Variants in DCHS2 observed in about 807,000 individuals in gnomAD.
DCHS2 encodes protocadherin-23.
In DCHS2, 142 loss-of-function variants were observed where a neutral mutation model predicts 182.4. The observed-to-expected ratio is 0.78, with a 90% CI of 0.68 to 0.89. DCHS2 has a LOEUF of 0.89. Ranked by LOEUF, DCHS2 falls within the 40% of genes least tolerant of loss-of-function variation. The pLI, the probability that DCHS2 is intolerant of heterozygous loss-of-function variation, is 0.00. For missense variants in DCHS2, 4,319 were observed against 4,198.6 expected, an observed-to-expected ratio of 1.03 and a Z score of -0.79; for synonymous variants, 1,740 against 1,663.3, an observed-to-expected ratio of 1.05 and a Z score of -1.12.
At chr4:154,237,632 T>C (rs1473407110) in intron 19 of DCHS2, 1 of 152,772 alleles carries the variant, frequency 6.5e-6, no homozygotes, top group Non-Finnish European at 1.5e-5. Context: ...ATTGCTTAAT[T>C]AGAGAGATGG....
intron 16 of DCHS2, among the ~76,000 whole-genome samples, chr4:154,253,184 A>G (rs1020647972): frequency 2.7e-5 from 4 of 147,788 alleles, no homozygotes; most frequent in South Asian, 4.2e-4. Flanking sequence ...AGAGAGAGAG[A>G]GAGAGAGAGT....
intron 1 of DCHS2, among the ~76,000 whole-genome samples, chr4:154,399,906 G>C (rs768884181): frequency 2.6e-5 from 4 of 152,160 alleles, no homozygotes; most frequent in Admixed American, 2.6e-4. Flanking sequence ...AGCTGTGAGA[G>C]GGCATAAATC....
chr4:154,357,620 C>G (rs1729936451), intron 3 of DCHS2, among the ~76,000 whole-genome samples: 1 of 152,152 alleles, frequency 6.6e-6, no homozygotes, highest in Non-Finnish European at 1.5e-5. Context: ...CTGACCTGCC[C>G]ATTGTACACT....
chr4:154,333,045 C>G lies in DCHS2; in HGVS notation c.3163G>C (p.Ala1055Pro). The change falls in exon 5 of 20, where the codon GCC becomes CCC. Residue 1055 changes from alanine (A) to proline (P), a missense_variant. Transcript: ENST00000357232. Reference sequence around the variant, plus strand: ...TGAGGATGCACGCCTTGGTCCTCGGCCCTGAGAGTCAGCGTGAGCTCCCGC... The same window carrying G: ...TGAGGATGCACGCCTTGGTCCTCGGGCCTGAGAGTCAGCGTGAGCTCCCGC... ...EQRELTLTLR[A>P]EDQGVHPQAA... 4.3e-6 allele frequency: 7 copies of G among 1,614,110 alleles called. No individual in the cohort carries two copies. Among genetic ancestry groups the G allele is most frequent in the Non-Finnish European group, 5.9e-6 (7 of 1,179,980 alleles).
intron 3 of DCHS2, among the ~76,000 whole-genome samples, chr4:154,358,119 T>C (rs1729957074): frequency 6.6e-6 from 1 of 152,218 alleles, no homozygotes; most frequent in African/African-American, 2.4e-5. Flanking sequence ...GCATAAAGTC[T>C]CTGTGGAATG....
chr4:154,340,689 T>C (rs960740628), intron 3 of DCHS2, among the ~76,000 whole-genome samples: 9 of 152,186 alleles, frequency 5.9e-5, no homozygotes, highest in Non-Finnish European at 1.3e-4. Flanking sequence ...CTGATGAATG[T>C]CCATTTTATT....
chr4:154,459,734 T>TTCTC (rs60259256), intron 1 of DCHS2, among the ~76,000 whole-genome samples: 1,493 of 135,244 alleles, frequency 0.011, 35 homozygotes, highest in African/African-American at 0.043. Context: ...TATCTACACA[T>TTCTC]TCTCTCTCTC....
rs1160289170 is a variant in DCHS2 at position 154,490,843 on chromosome 4, G to A, written c.513C>T (p.Ser171=). 2.6e-6 allele frequency: 4 copies of A among 1,551,650 alleles called. No homozygotes were observed. The highest frequency in any genetic ancestry group is 3.5e-6 in the Non-Finnish European group (4 of 1,146,954). The change falls in exon 1 of 20, where the codon TCC becomes TCT. Residue 171 remains serine, a synonymous_variant. Transcript: ENST00000357232. ...TGAGCTCGGAGACGTCGAGTTGCAG[G>A]GAGTCGAGGGGAAAGCGGGGCGAGT... ...NDHSPRFPLD[S]LQLDVSELSP...
chr4:154,260,622 G>A (rs1732944850), intron 14 of DCHS2, among the ~76,000 whole-genome samples: 1 of 152,116 alleles, frequency 6.6e-6, no homozygotes, highest in Admixed American at 6.5e-5. Context: ...CTCACACAGC[G>A]ATTCTTCCTC....
chr4:154,447,487 A>T (rs1378814053), intron 1 of DCHS2, among the ~76,000 whole-genome samples: 1 of 152,176 alleles, frequency 6.6e-6, no homozygotes, highest in Non-Finnish European at 1.5e-5. Context: ...CAATTATCTC[A>T]ATACAAATTT....
chr4:154,329,636 G>A lies in DCHS2; in HGVS notation c.3805C>T (p.Arg1269Cys), dbSNP rs368981576. The change falls in exon 6 of 20, where the codon CGC becomes TGC. Residue 1269 changes from arginine (R) to cysteine (C), a missense_variant. Physicochemically the swap from Arg to Cys is radical, Grantham distance 180 (BLOSUM62 -3). Coordinates refer to ENST00000357232, the MANE Select transcript of DCHS2 (RefSeq NM_001358235.2). Reference sequence around the variant, plus strand: ...GTGGCGTTTCGTGGTGGGGAGCCGCGGTCTGTCACTAGCACAGTCATCTCA... The same window carrying A: ...GTGGCGTTTCGTGGTGGGGAGCCGCAGTCTGTCACTAGCACAGTCATCTCA... ...HHEMTVLVTD[R>C]GSPPRNATMA... 1.5e-5 allele frequency: 24 copies of A among 1,612,438 alleles called. No homozygotes were observed. The highest frequency in any genetic ancestry group is 6.7e-5 in the East Asian group (3 of 44,880).
intron 7 of DCHS2, among the ~76,000 whole-genome samples, chr4:154,325,316 C>CGTGT (rs75589397): frequency 0.019 from 2,717 of 142,610 alleles, 84 homozygotes; most frequent in African/African-American, 0.066. Flanking sequence ...GGATTATAGC[C>CGTGT]GTGTGTGTGT....
chr4:154,277,196 G>T (rs1314754514), intron 13 of DCHS2, among the ~76,000 whole-genome samples: 1 of 152,100 alleles, frequency 6.6e-6, no homozygotes, highest in Non-Finnish European at 1.5e-5. Context: ...ACAACTTGGG[G>T]CTTCTCCACT....
rs778380318 is a variant in DCHS2, at chr4:154,269,943, A to G, written c.6534T>C (p.Phe2178=). The change falls in exon 14 of 20, where the codon TTT becomes TTC. Residue 2178 remains phenylalanine, a synonymous_variant. Coordinates refer to ENST00000357232, the MANE Select transcript of DCHS2 (RefSeq NM_001358235.2). ...AAAGAACTCCATCTTCATTTCCACT[A>G]AAAATTGAATATTTCATGCTGTCCT... ...SIQDSMKYSI[F]SGNEDGVLSL... is the part of the protein sequence containing the mutation. 2 of 1,612,760 alleles carry G rather than the reference A, an allele frequency of 1.2e-6. No homozygotes were observed. The highest frequency in any genetic ancestry group is 1.7e-5 in the Admixed American group (1 of 59,904).
At chr4:154,342,885 A>G (rs2111388702) in intron 3 of DCHS2, among the ~76,000 whole-genome samples, 1 of 152,348 alleles carries the variant, frequency 6.6e-6, no homozygotes, top group South Asian at 2.1e-4. Flanking sequence ...TTACCCAAAT[A>G]TATCAGAGGA....
chr4:154,458,617 T>C (rs766894759), intron 1 of DCHS2, among the ~76,000 whole-genome samples: 5 of 152,216 alleles, frequency 3.3e-5, no homozygotes, highest in Non-Finnish European at 7.3e-5. Context: ...ACACACCATA[T>C]TAAATCTAGA....
intron 14 of DCHS2, among the ~76,000 whole-genome samples, chr4:154,268,031 C>A (rs1733371697): frequency 6.6e-6 from 1 of 152,166 alleles, no homozygotes; most frequent in African/African-American, 2.4e-5. Context: ...ATGCCTTTTC[C>A]ATTCTTAACT....
chr4:154,387,981 T>C (rs1175938222), intron 1 of DCHS2, among the ~76,000 whole-genome samples: 1 of 152,064 alleles, frequency 6.6e-6, no homozygotes, highest in Non-Finnish European at 1.5e-5. Context: ...TAAAATAATA[T>C]ATTAAGTTGT....
chr4:154,236,639 G>A lies in DCHS2; in HGVS notation c.8013C>T (p.His2671=). The A allele has an allele frequency of 6.2e-7, 1 of 1,614,026 alleles. No homozygotes were observed. The highest frequency in any genetic ancestry group is 2.2e-5 in the East Asian group (1 of 44,856). The part of the protein sequence containing the change: ...NPPNFSSLSY[H]THVKESTPLG... ...GAGGGGTGCTTTCCTTGACATGGGTGTGATAGCTCAGGCTGCTGAAGTTTG... is the reference window on the plus strand; with the variant it reads ...GAGGGGTGCTTTCCTTGACATGGGTATGATAGCTCAGGCTGCTGAAGTTTG... The change falls in exon 20 of 20, where the codon CAC becomes CAT. Residue 2671 remains histidine, a synonymous_variant. Coordinates refer to ENST00000357232, the MANE Select transcript of DCHS2 (RefSeq NM_001358235.2).
Sources: allele counts gnomAD v4.1 joint callset (sites outside exome capture counted in the v4.1 genomes callset), GRCh38; gene constraint gnomAD v4.1.1; transcripts MANE v1.5; gene names NCBI Gene and HGNC (gene_info 2026-07-23, HGNC 2026-07-21).